FSTL5: variants seen among roughly 807,000 people sequenced by gnomAD.
FSTL5 encodes follistatin like 5, also known as follistatin-related protein 5.
A neutral mutation model predicts 89.1 loss-of-function variants in FSTL5; 62 were observed. The ratio of observed to expected loss-of-function variants is 0.70; its 90% CI spans 0.57 to 0.86. The LOEUF (loss-of-function observed/expected upper bound fraction) is 0.86. Ranked by LOEUF, FSTL5 falls within the 40% of genes least tolerant of loss-of-function variation. The pLI is 0.00. For missense variants in FSTL5, 1,057 were observed against 1,001.6 expected, an observed-to-expected ratio of 1.06 and a Z score of -0.75; for synonymous variants, 383 against 346.2, an observed-to-expected ratio of 1.11 and a Z score of -1.18.
At chr4:162,023,157 T>C (rs6842002) in intron 3 of FSTL5, among the ~76,000 whole-genome samples, 14,864 of 152,132 alleles carry the variant, frequency 0.098, 837 homozygotes, top group Non-Finnish European at 0.13. Context: ...GTGATTTTCG[T>C]TACTTTCCGG....
chr4:161,521,457 G>C (rs1328851982), intron 10 of FSTL5, among the ~76,000 whole-genome samples: 1 of 151,864 alleles, frequency 6.6e-6, no homozygotes, highest in African/African-American at 2.4e-5. Context: ...ATATGTTTAA[G>C]TGCCTGTAAA....
At chr4:162,087,405 TATA>T (rs1248357017) in intron 2 of FSTL5, among the ~76,000 whole-genome samples, 1 of 152,112 alleles carries the variant, frequency 6.6e-6, no homozygotes, top group Non-Finnish European at 1.5e-5. Flanking sequence ...TCTCAGTTCG[TATA>T]ATGACATAGA....
At chr4:162,009,503 A>C (rs973260432) in intron 3 of FSTL5, among the ~76,000 whole-genome samples, 2 of 152,054 alleles carry the variant, frequency 1.3e-5, no homozygotes, top group Non-Finnish European at 2.9e-5. Context: ...AAAGGCTACA[A>C]TTATAAAATA....
intron 13 of FSTL5, among the ~76,000 whole-genome samples, chr4:161,468,679 T>A (rs1733831860): frequency 6.6e-6 from 1 of 152,166 alleles, no homozygotes; most frequent in African/African-American, 2.4e-5. Flanking sequence ...TGATTTCTTC[T>A]TGTGTTTCAT....
rs143919673 is a variant in FSTL5, at chr4:161,705,870, C to T, written c.728-49376G>A. On this transcript the variant is annotated intron_variant, in intron 6 of 15. Coordinates refer to ENST00000306100, the MANE Select transcript of FSTL5 (RefSeq NM_020116.5). ...AGCCCAGGAAGGTCAAGACTGCATG[C>T]CAATGCACTCCAGCCTGGGTGACAA... Among the ~76,000 whole-genome samples, 937 of 144,978 alleles carry T rather than the reference C, an allele frequency of 6.5e-3. 15 individuals carry two copies. The highest frequency in any genetic ancestry group is 0.048 in the South Asian group (218 of 4,548).
At chr4:161,398,367 T>G (rs552363358) in intron 15 of FSTL5, among the ~76,000 whole-genome samples, 3 of 152,170 alleles carry the variant, frequency 2.0e-5, no homozygotes, top group African/African-American at 4.8e-5. Flanking sequence ...GTCTCCAAAA[T>G]TATTCATTTT....
intron 15 of FSTL5, among the ~76,000 whole-genome samples, chr4:161,401,707 T>C (rs772488814): frequency 3.3e-5 from 5 of 152,038 alleles, no homozygotes; most frequent in Admixed American, 1.3e-4. Flanking sequence ...TTTGTATTTT[T>C]TACTAGAGAT....
rs1056710180 is a variant in FSTL5, at chr4:161,509,185, C to T, written c.1339+1213G>A. Reference sequence around the variant, plus strand: ...GGGCGTGGTGGCCCGCTCCTGTAACCCCAGCTACTCGGGAGGCTAAGGCAG... The same window carrying T: ...GGGCGTGGTGGCCCGCTCCTGTAACTCCAGCTACTCGGGAGGCTAAGGCAG... On this transcript the variant is annotated intron_variant, in intron 11 of 15. Transcript: ENST00000306100. 2.0e-5 allele frequency among the ~76,000 whole-genome samples: 3 copies of T among 152,052 alleles called. No homozygotes were observed. The East Asian group carries it at 5.8e-4, about 29-fold the overall frequency.
intron 1 of FSTL5, among the ~76,000 whole-genome samples, chr4:162,130,435 C>T (rs562801814): frequency 6.6e-6 from 1 of 152,230 alleles, no homozygotes; most frequent in South Asian, 2.1e-4. Context: ...AATATCCATG[C>T]CCTATGTGAA....
chr4:161,806,122 C>A (rs1729958778), intron 4 of FSTL5, among the ~76,000 whole-genome samples: 2 of 152,090 alleles, frequency 1.3e-5, no homozygotes, highest in South Asian at 4.1e-4. Context: ...GACTACTTTT[C>A]TACATGCACA....
intron 4 of FSTL5, among the ~76,000 whole-genome samples, chr4:161,872,426 T>G (rs896560816): frequency 6.6e-6 from 1 of 152,182 alleles, no homozygotes. Context: ...TAAAAATGCC[T>G]AATGGTCTTC....
At chr4:161,977,639 A>AAAAAAAAAAAAAAT (rs1553988132) in intron 3 of FSTL5, among the ~76,000 whole-genome samples, 14 of 101,242 alleles carry the variant, frequency 1.4e-4, no homozygotes, top group Non-Finnish European at 1.5e-4. Context: ...AAAAAAAAAA[A>AAAAAAAAAAAAAAT]AATAATAATA....
intron 4 of FSTL5, among the ~76,000 whole-genome samples, chr4:161,795,211 A>G (rs1407219662): frequency 6.6e-6 from 1 of 152,140 alleles, no homozygotes; most frequent in Non-Finnish European, 1.5e-5. Flanking sequence ...AAAATTTCAT[A>G]TAAACAATGA....
chr4:162,059,884 C>T (rs919594382), intron 2 of FSTL5, among the ~76,000 whole-genome samples: 2 of 152,016 alleles, frequency 1.3e-5, no homozygotes, highest in Non-Finnish European at 2.9e-5. Flanking sequence ...GGTCACAGGT[C>T]TGGAAAAAAT....
At chr4:162,080,502 A>G (rs559940570) in intron 2 of FSTL5, among the ~76,000 whole-genome samples, 1 of 151,788 alleles carries the variant, frequency 6.6e-6, no homozygotes, top group Admixed American at 6.6e-5. Flanking sequence ...TTCTCTGGAA[A>G]TTTCTAAGTG....
chr4:161,845,016 G>A (rs1390231866), intron 4 of FSTL5, among the ~76,000 whole-genome samples: 1 of 152,000 alleles, frequency 6.6e-6, no homozygotes, highest in Non-Finnish European at 1.5e-5. Context: ...AGTGTACTTG[G>A]GAAGTTATTG....
At chr4:161,996,525 C>T (rs941810314) in intron 3 of FSTL5, among the ~76,000 whole-genome samples, 5 of 152,174 alleles carry the variant, frequency 3.3e-5, no homozygotes, top group Admixed American at 1.3e-4. Flanking sequence ...TCCCCTTGCC[C>T]GTCTTGTCTC....
intron 6 of FSTL5, among the ~76,000 whole-genome samples, chr4:161,694,094 C>T (rs1049916664): frequency 1.1e-4 from 9 of 80,368 alleles, no homozygotes; most frequent in Non-Finnish European, 1.8e-4. Flanking sequence ...TTTATCTGTT[C>T]TCTCTATTGC....
At chr4:161,417,343 T>G (rs1731825025) in intron 15 of FSTL5, among the ~76,000 whole-genome samples, 1 of 152,236 alleles carries the variant, frequency 6.6e-6, no homozygotes, top group Non-Finnish European at 1.5e-5. Flanking sequence ...AGTGCACTAC[T>G]CCCTCTTTTA....
Sources: gnomAD v4.1 joint callset for allele counts (sites outside exome capture counted in the v4.1 genomes callset) on GRCh38, gnomAD v4.1.1 for gene constraint, MANE v1.5 for transcripts, NCBI Gene and HGNC (gene_info 2026-07-23, HGNC 2026-07-21) for gene names.